Variants in CACNA1I observed in about 807,000 individuals in gnomAD.
CACNA1I encodes the protein calcium voltage-gated channel subunit alpha1 I.
In CACNA1I, 74 loss-of-function variants were observed where a neutral mutation model predicts 201.6. That is an observed-to-expected ratio of 0.37 (90% CI 0.30 to 0.45). The LOEUF (loss-of-function observed/expected upper bound fraction) is 0.45, where lower values mean the gene tolerates loss of function less well. Ranked by LOEUF, CACNA1I falls within the 20% of genes least tolerant of loss-of-function variation. The pLI, the probability that CACNA1I is intolerant of heterozygous loss-of-function variation, is 1.00. For synonymous variants in CACNA1I, 1,431 were observed against 1,345.2 expected, an observed-to-expected ratio of 1.06 and a Z score of -1.40; for missense variants, 2,346 against 3,138.1, an observed-to-expected ratio of 0.75 and a Z score of 6.03.
At chr22:39,590,069 T>G (rs1217886161) in intron 1 of CACNA1I, among the ~76,000 whole-genome samples, 4 of 152,108 alleles carry the variant, frequency 2.6e-5, no homozygotes, top group Admixed American at 6.5e-5. Context: ...TGCAGGCCTC[T>G]GGCTCGGCTC....
intron 3 of CACNA1I, among the ~76,000 whole-genome samples, chr22:39,601,863 T>G: frequency 1.8e-5 from 1 of 55,138 alleles, no homozygotes; most frequent in South Asian, 9.3e-4. Flanking sequence ...CCCTCCTTCC[T>G]TCCTTCCTTC....
rs888948000 is a variant in CACNA1I, at chr22:39,666,311, C to T, written c.4104+305C>T. 1.3e-5 allele frequency among the ~76,000 whole-genome samples: 2 copies of T among 151,982 alleles called. No homozygotes were observed. The highest frequency in any genetic ancestry group is 2.4e-5 in the African/African-American group (1 of 41,364). On this transcript the variant is annotated intron_variant, in intron 23 of 36. Coordinates refer to ENST00000402142, the MANE Select transcript of CACNA1I (RefSeq NM_021096.4). The surrounding 1 kb of genome is among the most constrained non-coding windows in gnomAD (Gnocchi z 4.1). ...CCCTGACAGGAGTTTTAGAATCAAG[C>T]AGTCCTGGAGGTGAATCCAGCTCTG...
intron 3 of CACNA1I, among the ~76,000 whole-genome samples, chr22:39,607,397 A>G (rs1933251992): frequency 6.6e-6 from 1 of 152,234 alleles, no homozygotes; most frequent in Non-Finnish European, 1.5e-5. Flanking sequence ...GCCTTAGCTC[A>G]GGGATCCACT....
rs537403723 is a variant in CACNA1I at position 39,681,136 on chromosome 22, T to C, written c.5664+84T>C. ...CCACCCAGGCAGGACCCCCCTGTCT[T>C]TCCAGTCTACCATGTAAACGGCACC... On this transcript the variant is annotated intron_variant, in intron 34 of 36. Transcript: ENST00000402142. 1.2e-5 allele frequency: 17 copies of C among 1,464,670 alleles called. No homozygotes were observed. The Admixed American group carries it at 1.9e-4, about 17-fold the overall frequency. The allele number at this position is 1,464,670 out of a possible 1,614,324, so 90.7% of individuals were successfully genotyped here.
chr22:39,649,700 G>A lies in CACNA1I; in HGVS notation c.1767G>A (p.Ala589=), dbSNP rs780584970. The change falls in exon 10 of 37, where the codon GCG becomes GCA. Residue 589 remains alanine (A), a synonymous_variant. Transcript: ENST00000402142. The surrounding 1 kb of genome is among the most constrained non-coding windows in gnomAD (Gnocchi z 7.3). ...SGSSAGGEDE[A]DGDGARSSED... ...GCTCCGCTGGTGGCGAGGACGAGGC[G>A]GATGGGGACGGGGCCCGGAGCAGCG... 1.1e-5 allele frequency: 17 copies of A among 1,521,348 alleles called. No individual in the cohort carries two copies. Among genetic ancestry groups the A allele is most frequent in the Admixed American group, 4.0e-5 (2 of 49,530 alleles). The allele number at this position is 1,521,348 out of a possible 1,614,324, so 94.2% of individuals were successfully genotyped here.
At chr22:39,624,392 A>G (rs1933841202) in intron 4 of CACNA1I, among the ~76,000 whole-genome samples, 1 of 152,088 alleles carries the variant, frequency 6.6e-6, no homozygotes, top group African/African-American at 2.4e-5. Context: ...CTGCGCTCCA[A>G]TTACAGAGGA....
intron 15 of CACNA1I, among the ~76,000 whole-genome samples, chr22:39,660,722 G>A (rs1934980200): frequency 6.6e-6 from 1 of 152,242 alleles, no homozygotes; most frequent in Middle Eastern, 3.4e-3. Flanking sequence ...TTAGGTCAAG[G>A]TGTAGGTTCT....
At chr22:39,598,941 GTTT>G (rs3044380) in intron 2 of CACNA1I, among the ~76,000 whole-genome samples, 7 of 68,240 alleles carry the variant, frequency 1.0e-4, no homozygotes, top group East Asian at 4.6e-4. Context: ...TGCCTCTTGG[GTTT>G]TTTTTTTTTT....
intron 24 of CACNA1I, 97 bp from the exon 25 acceptor site, chr22:39,669,941 A>G: frequency 7.2e-7 from 1 of 1,393,844 alleles, no homozygotes; most frequent in Non-Finnish European, 1.0e-6. Context: ...CAGGCTCAAC[A>G]CATGCCCACT....
At chr22:39,650,033 C>T in intron 10 of CACNA1I, 108 bp downstream of exon 10, 1 of 1,221,368 alleles carries the variant, frequency 8.2e-7, no homozygotes, top group Non-Finnish European at 1.2e-6. Flanking sequence ...TGTGTCTGTC[C>T]ACCTAGAAGT....
intron 5 of CACNA1I, among the ~76,000 whole-genome samples, chr22:39,635,832 G>T (rs960251592): frequency 6.6e-5 from 10 of 152,108 alleles, no homozygotes; most frequent in Non-Finnish European, 1.3e-4. Flanking sequence ...TATTATGTGG[G>T]CTCAGCCCAC....
chr22:39,624,696 C>G (rs1468938221), intron 4 of CACNA1I, among the ~76,000 whole-genome samples: 1 of 152,206 alleles, frequency 6.6e-6, no homozygotes, highest in East Asian at 1.9e-4. Context: ...GCGGGACAGA[C>G]AGTTTTGTCC....
Position 39,665,251 on chromosome 22 carries a change from GTACCC to G in CACNA1I, c.3852-245_3852-241del, listed in dbSNP as rs1935151054. On this transcript the variant is annotated intron_variant, in intron 21 of 36. Coordinates refer to ENST00000402142, the MANE Select transcript of CACNA1I (RefSeq NM_021096.4). This position sits in a 1 kb window ranked among gnomAD's most constrained non-coding sequence, Gnocchi z 5.5. ...TGGGCACAGTGAGGGGTGAGGGCAC[GTACCC>G]TGCTGCTGCTGTAGATCTGAGGCCT... 6.6e-6 allele frequency among the ~76,000 whole-genome samples: 1 copy of G among 152,128 alleles called. No homozygotes were observed. Among genetic ancestry groups the G allele is most frequent in the East Asian group, 1.9e-4 (1 of 5,188 alleles).
chr22:39,598,337 ACCCCCGC>A (rs1195572835), intron 2 of CACNA1I, 75 bp downstream of exon 2: 1 of 412,856 alleles, frequency 2.4e-6, no homozygotes, highest in Non-Finnish European at 3.9e-6. Context: ...CCCACTCCAC[ACCCCCGC>A]CCCATGTCCT....
chr22:39,687,017 T>C lies in CACNA1I; in HGVS notation c.*612T>C, dbSNP rs1935907374. On this transcript the variant is annotated 3_prime_UTR_variant, in exon 37 of 37. Transcript: ENST00000402142. ...CCCACGTGTCGGGGTGTCTGTCCTG[T>C]CATCCTGACTGTCTCGTTATTGTGA... The C allele has an allele frequency of 6.6e-6, 1 of 152,134 alleles. No individual in the cohort carries two copies. The highest frequency in any genetic ancestry group is 2.4e-5 in the African/African-American group (1 of 41,418). 9.4% of individuals were successfully genotyped at this position (152,134 alleles called of 1,614,324 possible). A position where few individuals can be genotyped will look rare whatever the true frequency, so the allele number is the denominator to read the frequency against.
chr22:39,591,382 G>C (rs139529208), intron 1 of CACNA1I, among the ~76,000 whole-genome samples: 1 of 148,942 alleles, frequency 6.7e-6, no homozygotes, highest in African/African-American at 2.5e-5. Context: ...GGCTGGTCTT[G>C]AACTCCTGAC....
intron 10 of CACNA1I, among the ~76,000 whole-genome samples, chr22:39,653,412 C>G (rs1210315572): frequency 6.6e-6 from 1 of 152,204 alleles, no homozygotes; most frequent in Non-Finnish European, 1.5e-5. Context: ...TCCGCTCGCT[C>G]GGCTCCCAGA....
intron 4 of CACNA1I, 121 bp downstream of exon 4, chr22:39,619,528 T>C: frequency 1.4e-6 from 1 of 715,072 alleles, no homozygotes; most frequent in South Asian, 1.6e-5. Flanking sequence ...AGAAGACTGA[T>C]TAGGGCCCGG....
rs1183122921 is a variant in CACNA1I at position 39,570,821 on chromosome 22, G to A, written c.69G>A (p.Thr23=). 1.8e-5 allele frequency: 29 copies of A among 1,613,244 alleles called. No individual in the cohort carries two copies. The highest frequency in any genetic ancestry group is 2.4e-5 in the Non-Finnish European group (28 of 1,179,766). ...CAGCCGCTGAGCCAGGAGTCACCAC[G>A]GAGCAGCCCGGACCCCGGAGCCCCC... is the stretch of plus-strand genomic sequence containing the variant. ...AAPAAEPGVT[T]EQPGPRSPPS... Residue 23 remains threonine (T), a synonymous_variant, in exon 1 of 37, where the codon ACG becomes ACA. Coordinates refer to ENST00000402142, the MANE Select transcript of CACNA1I (RefSeq NM_021096.4).
Sources: allele counts gnomAD v4.1 joint callset (sites outside exome capture counted in the v4.1 genomes callset), GRCh38; gene constraint gnomAD v4.1.1; non-coding constraint Gnocchi (gnomAD v3.1); transcripts MANE v1.5; gene names NCBI Gene and HGNC (gene_info 2026-07-23, HGNC 2026-07-21).